MTUS2: variants seen among roughly 807,000 people sequenced by gnomAD.
The protein encoded by MTUS2 is microtubule-associated tumor suppressor candidate 2.
A neutral mutation model predicts 114.1 loss-of-function variants in MTUS2; 40 were observed. That is an observed-to-expected ratio of 0.35 (90% CI 0.27 to 0.46). The LOEUF (loss-of-function observed/expected upper bound fraction) is 0.46. MTUS2 is among the 20% of genes least tolerant of loss of function. The pLI, the probability that MTUS2 is intolerant of heterozygous loss-of-function variation, is 1.00. For synonymous variants in MTUS2, 688 were observed against 672.0 expected (o/e 1.02, Z -0.37); for missense variants, 1,679 against 1,705.4 (o/e 0.98, Z 0.27).
At chr13:29,375,139 TAAG>T (rs1871478959) in intron 8 of MTUS2, among the ~76,000 whole-genome samples, 1 of 152,016 alleles carries the variant, frequency 6.6e-6, no homozygotes. Flanking sequence ...TTACTTTTAA[TAAG>T]AAACTCACTG....
chr13:29,396,463 C>T (rs984027720), intron 8 of MTUS2, among the ~76,000 whole-genome samples: 6 of 152,080 alleles, frequency 3.9e-5, no homozygotes, highest in Non-Finnish European at 8.8e-5. Context: ...TTATAACATA[C>T]GTCCAAAAAT....
intron 5 of MTUS2, among the ~76,000 whole-genome samples, chr13:29,168,837 A>G (rs977830777): frequency 1.3e-5 from 2 of 151,518 alleles, no homozygotes; most frequent in South Asian, 2.1e-4. Context: ...GGAGAATGCT[A>G]CTGTTTTGCA....
At chr13:28,832,298 G>A (rs1263780627) in intron 1 of MTUS2, among the ~76,000 whole-genome samples, 1 of 152,104 alleles carries the variant, frequency 6.6e-6, no homozygotes, top group Admixed American at 6.6e-5. Context: ...ATTTAAAAGG[G>A]CTGAAATAAT....
intron 1 of MTUS2, among the ~76,000 whole-genome samples, chr13:28,829,595 G>A (rs1874519602): frequency 6.6e-6 from 1 of 151,902 alleles, no homozygotes; most frequent in Non-Finnish European, 1.5e-5. Context: ...CAGGTTTAGA[G>A]CCCTCTAAGA....
At chr13:29,247,551 A>G (rs1896970785) in intron 5 of MTUS2, among the ~76,000 whole-genome samples, 1 of 152,216 alleles carries the variant, frequency 6.6e-6, no homozygotes, top group African/African-American at 2.4e-5. Flanking sequence ...GACTCAAACA[A>G]ATCAGAAGAA....
intron 5 of MTUS2, among the ~76,000 whole-genome samples, chr13:29,220,844 G>A (rs73449318): frequency 0.025 from 3,755 of 152,284 alleles, 153 homozygotes; most frequent in African/African-American, 0.085. Flanking sequence ...CAGGGTTTCC[G>A]CAGACCTTCA....
intron 4 of MTUS2, 109 bp downstream of exon 4, chr13:29,034,234 G>A: frequency 2.8e-6 from 4 of 1,427,350 alleles, no homozygotes; most frequent in South Asian, 1.3e-5. Context: ...TTTAAGGAGA[G>A]CCTTTTTCTG....
In MTUS2 at chr13:29,329,646, A is replaced by G. The variant is rs867982591; in HGVS notation, c.2905+4935A>G. On this transcript the variant is annotated intron_variant, in intron 7 of 15. Coordinates refer to ENST00000612955, the MANE Select transcript of MTUS2 (RefSeq NM_001033602.4). ...TTTTTTTTTTTTGAGATGAAGTCTC[A>G]CTCTGTTGCCAGGCTGGAGTGCAGT... is the stretch of plus-strand genomic sequence containing the variant. 2.5e-4 allele frequency among the ~76,000 whole-genome samples: 34 copies of G among 133,492 alleles called. No individual in the cohort carries two copies. In the South Asian group the frequency reaches 7.8e-3, roughly 31 times the overall value. 87.6% of individuals were successfully genotyped at this position (133,492 alleles called of 152,430 possible). A position where few individuals can be genotyped will look rare whatever the true frequency, so the allele number is the denominator to read the frequency against.
At chr13:29,012,695 A>G (rs1354431375) in intron 2 of MTUS2, among the ~76,000 whole-genome samples, 1 of 151,992 alleles carries the variant, frequency 6.6e-6, no homozygotes, top group African/African-American at 2.4e-5. Context: ...AACACGGTGC[A>G]ACCCCCATCT....
At chr13:29,373,398 C>A (rs982552461) in intron 8 of MTUS2, among the ~76,000 whole-genome samples, 1 of 152,114 alleles carries the variant, frequency 6.6e-6, no homozygotes, top group South Asian at 2.1e-4. Flanking sequence ...AAAGGCCCAG[C>A]TTTTTGGCTC....
At chr13:29,268,281 AT>A (rs1450293632) in intron 5 of MTUS2, among the ~76,000 whole-genome samples, 2 of 152,146 alleles carry the variant, frequency 1.3e-5, no homozygotes, top group Non-Finnish European at 2.9e-5. Flanking sequence ...GTTTTTTGAG[AT>A]GGACAGCGGA....
In MTUS2 at chr13:29,029,032, C is replaced by T. The variant is rs74041709; in HGVS notation, c.2205+2129C>T. Among the ~76,000 whole-genome samples the T allele has an allele frequency of 1.0e-2, 1,516 of 152,312 alleles. 24 individuals carry two copies. The highest frequency in any genetic ancestry group is 0.034 in the African/African-American group (1,409 of 41,566). ...ACAAAGACAAAGTTGAATCCATTCTCGGCAGCAGACATTGACTTAGGCAAT... is the reference window on the plus strand; with the variant it reads ...ACAAAGACAAAGTTGAATCCATTCTTGGCAGCAGACATTGACTTAGGCAAT... On this transcript the variant is annotated intron_variant, in intron 3 of 15. Coordinates refer to ENST00000612955, the MANE Select transcript of MTUS2 (RefSeq NM_001033602.4).
chr13:29,426,324 G>A (rs1822399160), intron 8 of MTUS2, among the ~76,000 whole-genome samples: 1 of 152,214 alleles, frequency 6.6e-6, no homozygotes, highest in African/African-American at 2.4e-5. Context: ...CAACTTAACG[G>A]TATTTTCAGT....
At chr13:28,856,083 G>T (rs1473537273) in intron 2 of MTUS2, among the ~76,000 whole-genome samples, 1 of 152,178 alleles carries the variant, frequency 6.6e-6, no homozygotes, top group Non-Finnish European at 1.5e-5. Flanking sequence ...TGTGTGAGGG[G>T]TATTCTTCTC....
chr13:28,898,163 C>A (rs370161329), intron 2 of MTUS2, among the ~76,000 whole-genome samples: 4 of 151,988 alleles, frequency 2.6e-5, no homozygotes, highest in Admixed American at 2.0e-4. Context: ...AATAAAAATA[C>A]GGGGTTTCCT....
intron 5 of MTUS2, among the ~76,000 whole-genome samples, chr13:29,126,098 T>C (rs1891502547): frequency 6.6e-6 from 1 of 152,230 alleles, no homozygotes; most frequent in Non-Finnish European, 1.5e-5. Flanking sequence ...GTATGTGAAC[T>C]ACTTTGACAC....
intron 2 of MTUS2, among the ~76,000 whole-genome samples, chr13:28,967,846 T>C (rs962791288): frequency 4.6e-5 from 7 of 152,208 alleles, no homozygotes; most frequent in African/African-American, 1.7e-4. Flanking sequence ...TTGTTTCATA[T>C]GGAGTATATG....
At chr13:29,252,747 G>A (rs1248229569) in intron 5 of MTUS2, among the ~76,000 whole-genome samples, 1 of 152,114 alleles carries the variant, frequency 6.6e-6, no homozygotes, top group African/African-American at 2.4e-5. Flanking sequence ...CTGTTCTCAT[G>A]GTAGTGAATA....
At chr13:29,064,928 C>G (rs1888596287) in intron 4 of MTUS2, among the ~76,000 whole-genome samples, 3 of 152,176 alleles carry the variant, frequency 2.0e-5, no homozygotes, top group African/African-American at 7.2e-5. Flanking sequence ...ACCTCTAGCT[C>G]CATCCATGTT....
Sources: allele counts gnomAD v4.1 joint callset (sites outside exome capture counted in the v4.1 genomes callset), GRCh38; gene constraint gnomAD v4.1.1; transcripts MANE v1.5; gene names NCBI Gene and HGNC (gene_info 2026-07-23, HGNC 2026-07-21).